The following DAAM1 variants were observed in gnomAD, a reference collection of about 807,000 sequenced individuals.
DAAM1 encodes the protein dishevelled associated activator of morphogenesis 1, also known as disheveled-associated activator of morphogenesis 1.
A neutral mutation model predicts 130.0 loss-of-function variants in DAAM1; 52 were observed. The observed-to-expected ratio is 0.40, with a 90% CI of 0.32 to 0.50. DAAM1 has a LOEUF of 0.50. Ranked by LOEUF, DAAM1 falls within the 20% of genes least tolerant of loss-of-function variation. The pLI, the probability that DAAM1 is intolerant of heterozygous loss-of-function variation, is 0.61. For missense variants in DAAM1, 1,134 were observed against 1,303.8 expected, an observed-to-expected ratio of 0.87 and a Z score of 2.01; for synonymous variants, 452 against 444.5, an observed-to-expected ratio of 1.02 and a Z score of -0.21.
intron 3 of DAAM1, among the ~76,000 whole-genome samples, chr14:59,311,452 C>T (rs1884587482): frequency 6.6e-6 from 1 of 151,754 alleles, no homozygotes; most frequent in African/African-American, 2.4e-5. Context: ...AAGCAAAGCT[C>T]TTGTCCTGAC....
intron 20 of DAAM1, among the ~76,000 whole-genome samples, chr14:59,356,043 C>T (rs1005029874): frequency 1.3e-5 from 2 of 152,122 alleles, no homozygotes; most frequent in Admixed American, 6.5e-5. Flanking sequence ...GATGTGAAAA[C>T]GTTCTTGTGT....
intron 3 of DAAM1, among the ~76,000 whole-genome samples, chr14:59,310,979 C>A (rs1323774528): frequency 6.9e-6 from 1 of 144,822 alleles, no homozygotes; most frequent in East Asian, 2.1e-4. Context: ...ACAAAAAAAA[C>A]AAACAAAAAA....
At chr14:59,340,758 A>AT (rs1431255419) in intron 16 of DAAM1, among the ~76,000 whole-genome samples, 1 of 152,232 alleles carries the variant, frequency 6.6e-6, no homozygotes. Flanking sequence ...AAGAAAGGAA[A>AT]TTTGGGAGCC....
intron 3 of DAAM1, among the ~76,000 whole-genome samples, chr14:59,307,887 T>G (rs1279811043): frequency 6.6e-6 from 1 of 152,224 alleles, no homozygotes; most frequent in Non-Finnish European, 1.5e-5. Context: ...TTTGTTAACC[T>G]AGATTTATGT....
intron 1 of DAAM1, among the ~76,000 whole-genome samples, chr14:59,190,104 G>A (rs1161340849): frequency 6.6e-6 from 1 of 152,162 alleles, no homozygotes; most frequent in Non-Finnish European, 1.5e-5. Context: ...TCTGCGGGCA[G>A]CTGGGAGGGA....
Position 59,368,805 on chromosome 14 carries a change from C to T in DAAM1, c.3153C>T (p.Thr1051=). 4.3e-6 allele frequency: 7 copies of T among 1,613,858 alleles called. No individual in the cohort carries two copies. Among genetic ancestry groups the T allele is most frequent in the Non-Finnish European group, 5.9e-6 (7 of 1,179,884 alleles). ...TGAAACGGAATCGCAAACGTATTAC[C>T]AACCAGATGACTGACAGCAGCAGAG... ...SKLKRNRKRI[T]NQMTDSSRER... Residue 1051 remains threonine (T), a synonymous_variant, in exon 25 of 25, where the codon ACC becomes ACT. Transcript: ENST00000360909.
rs10710665 is a variant in DAAM1, at chr14:59,310,112, CTT to C, written c.274-5153_274-5152del. Reference sequence around the variant, plus strand: ...TAGAATAGTAGTGACAAATTTTTTCCTTTTTTTTTTTTTTTTGAGACAGGGTC... The same window carrying C: ...TAGAATAGTAGTGACAAATTTTTTCCTTTTTTTTTTTTTTGAGACAGGGTC... On this transcript the variant is annotated intron_variant, in intron 3 of 24. Coordinates refer to ENST00000360909, the MANE Select transcript of DAAM1 (RefSeq NM_001270520.2). 3.7e-3 allele frequency among the ~76,000 whole-genome samples: 478 copies of C among 130,336 alleles called. 4 individuals are homozygous for C. The highest frequency in any genetic ancestry group is 3.8e-3 in the Middle Eastern group (1 of 260). 85.5% of individuals were successfully genotyped at this position (130,336 alleles called of 152,430 possible).
chr14:59,194,473 G>T (rs143192808), intron 1 of DAAM1, among the ~76,000 whole-genome samples: 63 of 152,282 alleles, frequency 4.1e-4, no homozygotes, highest in African/African-American at 1.5e-3. Flanking sequence ...TCCAGCATTA[G>T]ACCTTATTTG....
chr14:59,296,939 A>G lies in DAAM1; in HGVS notation c.273+5633A>G, dbSNP rs530660779. ...AATGAAGTCAGTGCAGGGGAAGACTAAAATAATTGAGGCTTGTTTAGTCTG... is the reference window on the plus strand; with the variant it reads ...AATGAAGTCAGTGCAGGGGAAGACTGAAATAATTGAGGCTTGTTTAGTCTG... On this transcript the variant is annotated intron_variant, in intron 3 of 24. Coordinates refer to ENST00000360909, the MANE Select transcript of DAAM1 (RefSeq NM_001270520.2). 9.2e-5 allele frequency among the ~76,000 whole-genome samples: 14 copies of G among 152,278 alleles called. No individual in the cohort carries two copies. In the East Asian group the frequency reaches 2.5e-3, roughly 27 times the overall value.
At chr14:59,366,724 GATAA>G (rs1392391475) in intron 23 of DAAM1, among the ~76,000 whole-genome samples, 3 of 152,120 alleles carry the variant, frequency 2.0e-5, no homozygotes, top group Admixed American at 6.5e-5. Flanking sequence ...AGCAGCTGAA[GATAA>G]ATATAGGCTC....
chr14:59,261,931 T>C (rs559551920), intron 1 of DAAM1, among the ~76,000 whole-genome samples: 1 of 152,356 alleles, frequency 6.6e-6, no homozygotes, highest in South Asian at 2.1e-4. Context: ...TCTATGTGTA[T>C]ACTTTTATAT....
At chr14:59,204,220 C>T (rs1888194148) in intron 1 of DAAM1, among the ~76,000 whole-genome samples, 1 of 152,230 alleles carries the variant, frequency 6.6e-6, no homozygotes, top group Admixed American at 6.5e-5. Context: ...ATCCAGGTGT[C>T]AGCCAAAATG....
chr14:59,332,053 T>C, intron 15 of DAAM1, 133 bp downstream of exon 15: 1 of 717,036 alleles, frequency 1.4e-6, no homozygotes, highest in South Asian at 1.8e-5. Context: ...CCTGTGCATG[T>C]CCGTGTCTCC....
chr14:59,320,544 A>C lies in DAAM1; in HGVS notation c.400A>C (p.Ile134Leu). 1.2e-6 allele frequency: 2 copies of C among 1,606,196 alleles called. No individual in the cohort carries two copies. The highest frequency in any genetic ancestry group is 3.3e-4 in the Middle Eastern group (2 of 6,046). Residue 134 changes from isoleucine (I) to leucine (L), a missense_variant, in exon 5 of 25, where the codon ATA (isoleucine) becomes CTA (leucine). Around this residue, in one of 3 missense-constraint regions of DAAM1, gnomAD observed 391 missense variants for 521.6 expected, o/e 0.75. Coordinates refer to ENST00000360909, the MANE Select transcript of DAAM1 (RefSeq NM_001270520.2). ...KEEEEERSKT[I>L]ESLKTALRTK... ...AGAAGAAGAAGAAAGAAGTAAAACT[A>C]TAGAGAGTTTAAAGACAGCACTGAG...
At chr14:59,346,250 C>G (rs746532762) in intron 16 of DAAM1, among the ~76,000 whole-genome samples, 15 of 151,814 alleles carry the variant, frequency 9.9e-5, no homozygotes, top group Non-Finnish European at 1.3e-4. Context: ...TCACACTGAC[C>G]AGGAAGTATC....
At chr14:59,214,064 C>G (rs11622926) in intron 1 of DAAM1, among the ~76,000 whole-genome samples, 29,159 of 152,140 alleles carry the variant, frequency 0.19, 3,390 homozygotes, top group Non-Finnish European at 0.26. Flanking sequence ...TCATCTGAGG[C>G]GTTAGCACAA....
chr14:59,335,543 C>G (rs1292362461), intron 15 of DAAM1, among the ~76,000 whole-genome samples: 2 of 152,180 alleles, frequency 1.3e-5, no homozygotes, highest in African/African-American at 2.4e-5. Context: ...ATTCATTTCT[C>G]TCTATCCATA....
chr14:59,259,306 C>CA (rs765633099), intron 1 of DAAM1, among the ~76,000 whole-genome samples: 6 of 152,158 alleles, frequency 3.9e-5, no homozygotes, highest in Non-Finnish European at 8.8e-5. Context: ...ATGGAGGTCA[C>CA]AAAATGCTAA....
chr14:59,353,780 G>T, intron 18 of DAAM1, 96 bp from the exon 19 acceptor site: 1 of 1,076,066 alleles, frequency 9.3e-7, no homozygotes, highest in Non-Finnish European at 1.4e-6. Context: ...TGGGTATTGG[G>T]GGAGGTGCTT....
Sources: gnomAD v4.1 joint callset for allele counts (sites outside exome capture counted in the v4.1 genomes callset) on GRCh38, gnomAD v4.1.1 for gene constraint, gnomAD v4.1.1 regional missense constraint, MANE v1.5 for transcripts, NCBI Gene and HGNC (gene_info 2026-07-23, HGNC 2026-07-21) for gene names.